The following CLSTN2 variants were observed in gnomAD, a reference collection of about 807,000 sequenced individuals.
CLSTN2 encodes calsyntenin-2.
In CLSTN2, 48 loss-of-function variants were observed where a neutral mutation model predicts 101.2. That is an observed-to-expected ratio of 0.47 (90% CI 0.38 to 0.60). The LOEUF (loss-of-function observed/expected upper bound fraction) is 0.60, where lower values mean the gene tolerates loss of function less well. Ranked by LOEUF, CLSTN2 falls within the 20% of genes least tolerant of loss-of-function variation. CLSTN2 has a pLI of 0.00. For missense variants in CLSTN2, 1,160 were observed against 1,238.2 expected, an observed-to-expected ratio of 0.94 and a Z score of 0.95; for synonymous variants, 481 against 463.6, an observed-to-expected ratio of 1.04 and a Z score of -0.48.
chr3:139,935,266 C>T lies in CLSTN2; in HGVS notation c.-109C>T. On this transcript the variant is annotated 5_prime_UTR_variant, in exon 1 of 17. Coordinates refer to ENST00000458420, the MANE Select transcript of CLSTN2 (RefSeq NM_022131.3). The surrounding 1 kb of genome is among the most constrained non-coding windows in gnomAD (Gnocchi z 5.5). ...AGCGCCGCGGCGGCAGCGCTAGAAG[C>T]GCACCCATCGGGCACGGCGAGGCGG... The T allele has an allele frequency of 2.0e-6, 1 of 492,362 alleles. No individual in the cohort carries two copies. The highest frequency in any genetic ancestry group is 3.1e-6 in the Non-Finnish European group (1 of 321,510). The allele number at this position is 492,362 out of a possible 1,614,324, so 30.5% of individuals were successfully genotyped here.
At chr3:140,349,616 C>T (rs954523212) in intron 2 of CLSTN2, among the ~76,000 whole-genome samples, 6 of 152,118 alleles carry the variant, frequency 3.9e-5, no homozygotes, top group Admixed American at 2.0e-4. Flanking sequence ...GGGTGGGAAT[C>T]GCCAGATCTA....
intron 2 of CLSTN2, among the ~76,000 whole-genome samples, chr3:140,341,423 T>C (rs1276454792): frequency 1.3e-5 from 2 of 152,172 alleles, no homozygotes; most frequent in Non-Finnish European, 2.9e-5. Flanking sequence ...CAACTTCCAA[T>C]AGTGTCGATG....
intron 2 of CLSTN2, among the ~76,000 whole-genome samples, chr3:140,327,036 G>A (rs1383514845): frequency 1.3e-5 from 2 of 152,128 alleles, no homozygotes; most frequent in Non-Finnish European, 2.9e-5. Context: ...CGTCATTAAA[G>A]CAATTGTGTA....
At chr3:140,390,102 A>AT (rs1559856447) in intron 2 of CLSTN2, among the ~76,000 whole-genome samples, 2 of 151,040 alleles carry the variant, frequency 1.3e-5, no homozygotes, top group African/African-American at 4.9e-5. Flanking sequence ...AAAAAAAAAA[A>AT]TACATAACAT....
In CLSTN2 at chr3:140,404,565, G is replaced by A; in HGVS notation, c.436G>A (p.Val146Ile). The A allele has an allele frequency of 6.2e-7, 1 of 1,614,104 alleles. No individual in the cohort carries two copies. Among genetic ancestry groups the A allele is most frequent in the South Asian group, 1.1e-5 (1 of 91,072 alleles). Residue 146 changes from valine to isoleucine, a missense_variant, in exon 4 of 17, where the codon GTC becomes ATC. Coordinates refer to ENST00000458420, the MANE Select transcript of CLSTN2 (RefSeq NM_022131.3). ...TAWKKSHKAV[V>I]HIQVKDVNEF... Reference sequence around the variant, plus strand: ...TTCTGTGTGTGGTCCCAGGGCCGTGGTCCATATACAGGTGAAGGATGTCAA... The same window carrying A: ...TTCTGTGTGTGGTCCCAGGGCCGTGATCCATATACAGGTGAAGGATGTCAA...
chr3:139,957,980 C>A (rs1375670518), intron 1 of CLSTN2, among the ~76,000 whole-genome samples: 4 of 152,178 alleles, frequency 2.6e-5, no homozygotes, highest in Non-Finnish European at 5.9e-5. Context: ...TCTTTTCCTG[C>A]TGAGTTACTG....
chr3:140,126,442 T>C (rs1338342884), intron 1 of CLSTN2, among the ~76,000 whole-genome samples: 1 of 152,084 alleles, frequency 6.6e-6, no homozygotes, highest in Non-Finnish European at 1.5e-5. Context: ...CCTCTACTCC[T>C]AGAAGAGTTT....
At position 139,957,443 on chromosome 3, in the gene CLSTN2, C is replaced by G. The variant is rs1935427592; in HGVS notation, c.109+21960C>G. Among the ~76,000 whole-genome samples the G allele has an allele frequency of 2.0e-5, 3 of 152,076 alleles. No homozygotes were observed. In the South Asian group the frequency reaches 6.2e-4, roughly 32 times the overall value. ...CATCTTTCTCCTTCTATAATTTTGC[C>G]TCAACTCTAACCTGTATATGCCTCA... is the stretch of plus-strand genomic sequence containing the variant. On this transcript the variant is annotated intron_variant, in intron 1 of 16. Transcript: ENST00000458420.
chr3:140,462,617 A>T (rs1256400340), intron 7 of CLSTN2: 1 of 152,236 alleles, frequency 6.6e-6, no homozygotes, highest in Non-Finnish European at 1.5e-5. Flanking sequence ...AGAATTGACT[A>T]GTCAGCAAAG....
intron 2 of CLSTN2, among the ~76,000 whole-genome samples, chr3:140,214,439 G>A (rs1270257760): frequency 4.8e-5 from 5 of 104,818 alleles, no homozygotes; most frequent in African/African-American, 1.9e-4. Context: ...GGGCCTTGCA[G>A]TGAGACTCTG....
chr3:140,348,521 C>A (rs1374102438), intron 2 of CLSTN2, among the ~76,000 whole-genome samples: 1 of 152,144 alleles, frequency 6.6e-6, no homozygotes, highest in African/African-American at 2.4e-5. Context: ...TCTGCTCTCC[C>A]AAGGGTATCT....
chr3:140,019,229 T>C (rs973475350), intron 1 of CLSTN2, among the ~76,000 whole-genome samples: 1 of 152,198 alleles, frequency 6.6e-6, no homozygotes, highest in African/African-American at 2.4e-5. Context: ...AAACATCATT[T>C]TGAATGTTTT....
chr3:140,302,312 A>T (rs1343598666), intron 2 of CLSTN2, among the ~76,000 whole-genome samples: 1 of 152,218 alleles, frequency 6.6e-6, no homozygotes, highest in African/African-American at 2.4e-5. Flanking sequence ...CTGTGCTGAC[A>T]TACAGGGACC....
chr3:140,518,953 A>T (rs1934974110), intron 8 of CLSTN2, among the ~76,000 whole-genome samples: 1 of 151,906 alleles, frequency 6.6e-6, no homozygotes, highest in African/African-American at 2.4e-5. Flanking sequence ...TAGCTTTTTG[A>T]TGTGGGCATT....
chr3:139,991,828 A>G (rs1936120255), intron 1 of CLSTN2, among the ~76,000 whole-genome samples: 1 of 152,190 alleles, frequency 6.6e-6, no homozygotes. Flanking sequence ...CTTGGGCAAC[A>G]TGGTTGTTAT....
At chr3:140,257,271 A>C (rs908940514) in intron 2 of CLSTN2, among the ~76,000 whole-genome samples, 1 of 152,214 alleles carries the variant, frequency 6.6e-6, no homozygotes, top group African/African-American at 2.4e-5. Context: ...AGGGGATTAA[A>C]TTTATCTAAT....
rs2007426150 is a variant in CLSTN2 at position 140,026,584 on chromosome 3, G to A, written c.109+91101G>A. ...TATTGGATTGATCACAGGGATGGGA[G>A]AAGGAGGGACTGGAGTCTACTCTTC... On this transcript the variant is annotated intron_variant, in intron 1 of 16. Transcript: ENST00000458420. Among the ~76,000 whole-genome samples, 4 of 152,234 alleles carry A rather than the reference G, an allele frequency of 2.6e-5. No individual in the cohort carries two copies. In the South Asian group the frequency reaches 8.3e-4, roughly 31 times the overall value.
At position 140,278,576 on chromosome 3, in the gene CLSTN2, C is replaced by T. The variant is rs76981104; in HGVS notation, c.232+102503C>T. On this transcript the variant is annotated intron_variant, in intron 2 of 16. Coordinates refer to ENST00000458420, the MANE Select transcript of CLSTN2 (RefSeq NM_022131.3). ...GAATTCTGCAAGGATGAGCACTGTG[C>T]GGCTTCATTACATCCCCTGGGCCAG... Among the ~76,000 whole-genome samples, 16 of 152,280 alleles carry T rather than the reference C, an allele frequency of 1.1e-4. No individual in the cohort carries two copies. The East Asian group carries it at 3.1e-3, about 29-fold the overall frequency.
chr3:140,054,399 A>G (rs559333299), intron 1 of CLSTN2, among the ~76,000 whole-genome samples: 2 of 152,334 alleles, frequency 1.3e-5, no homozygotes, highest in East Asian at 3.9e-4. Context: ...AGAAATGCTC[A>G]AAGCTGTCCA....
Sources: allele counts gnomAD v4.1 joint callset (sites outside exome capture counted in the v4.1 genomes callset), GRCh38; gene constraint gnomAD v4.1.1; non-coding constraint Gnocchi (gnomAD v3.1); transcripts MANE v1.5; gene names NCBI Gene and HGNC (gene_info 2026-07-23, HGNC 2026-07-21).